Variants in EYS observed in about 807,000 individuals in gnomAD.
EYS encodes protein eyes shut homolog.
EYS carries 250 observed loss-of-function variants against 282.1 expected under a neutral mutation model. That is an observed-to-expected ratio of 0.89 (90% CI 0.80 to 0.98). EYS has a LOEUF of 0.98. Among genes scored for constraint, EYS ranks in the 50% least tolerant of loss-of-function variants. The pLI is 0.00. For synonymous variants in EYS, 1,355 were observed against 1,282.9 expected (o/e 1.06, Z -1.20); for missense variants, 4,016 against 3,709.0 (o/e 1.08, Z -2.15).
intron 1 of EYS, among the ~76,000 whole-genome samples, chr6:65,654,387 C>G (rs765885582): frequency 2.6e-5 from 4 of 151,772 alleles, no homozygotes; most frequent in Non-Finnish European, 4.4e-5. Context: ...AAACACAACT[C>G]TTGGGCGTGG....
chr6:64,351,001 T>C (rs1771611414), intron 29 of EYS, among the ~76,000 whole-genome samples: 1 of 151,430 alleles, frequency 6.6e-6, no homozygotes, highest in Non-Finnish European at 1.5e-5. Context: ...TGCTTCGCCT[T>C]CCAACATGAT....
intron 39 of EYS, among the ~76,000 whole-genome samples, chr6:63,783,252 G>A (rs749238214): frequency 1.8e-4 from 28 of 152,230 alleles, no homozygotes; most frequent in Non-Finnish European, 3.4e-4. Flanking sequence ...CTTATTTCCT[G>A]TTCATGTAAA....
At chr6:64,692,307 T>C (rs1201643046) in intron 22 of EYS, among the ~76,000 whole-genome samples, 1 of 152,204 alleles carries the variant, frequency 6.6e-6, no homozygotes, top group African/African-American at 2.4e-5. Context: ...TTTGGAGAAG[T>C]GTCTGTTCAT....
chr6:65,484,158 T>G (rs956987475), intron 5 of EYS, among the ~76,000 whole-genome samples: 7 of 152,010 alleles, frequency 4.6e-5, no homozygotes, highest in African/African-American at 1.7e-4. Context: ...AACCCTATTA[T>G]AGTTACCAAA....
intron 14 of EYS, among the ~76,000 whole-genome samples, chr6:64,954,734 G>A (rs7757716): frequency 0.47 from 71,131 of 151,868 alleles, 17,114 homozygotes; most frequent in African/African-American, 0.59. Context: ...AGAAAGCTTC[G>A]TCAATTTTTC....
At chr6:64,622,626 C>G (rs1412047871) in intron 23 of EYS, among the ~76,000 whole-genome samples, 1 of 152,010 alleles carries the variant, frequency 6.6e-6, no homozygotes, top group Non-Finnish European at 1.5e-5. Flanking sequence ...AGGATGACAA[C>G]CATGGAGTTG....
At chr6:64,380,873 G>A (rs961912626) in intron 29 of EYS, among the ~76,000 whole-genome samples, 1 of 152,038 alleles carries the variant, frequency 6.6e-6, no homozygotes, top group African/African-American at 2.4e-5. Context: ...AAAGCAGCCA[G>A]GAGTGGTGGT....
chr6:64,879,367 C>T (rs1053758612), intron 19 of EYS, among the ~76,000 whole-genome samples: 22 of 151,890 alleles, frequency 1.4e-4, no homozygotes, highest in Non-Finnish European at 2.5e-4. Context: ...AGACATTAAC[C>T]GATATTCAAG....
At chr6:64,363,370 C>A (rs2150409779) in intron 29 of EYS, among the ~76,000 whole-genome samples, 1 of 151,982 alleles carries the variant, frequency 6.6e-6, no homozygotes, top group Non-Finnish European at 1.5e-5. Flanking sequence ...GGTTAAATTG[C>A]ACACTGATGT....
chr6:65,608,253 C>A (rs1342807027), intron 2 of EYS, among the ~76,000 whole-genome samples: 3 of 152,072 alleles, frequency 2.0e-5, no homozygotes, highest in South Asian at 4.1e-4. Context: ...GTACAGAATA[C>A]TGGAGACAAC....
chr6:64,622,792 G>A (rs549699202), intron 23 of EYS, among the ~76,000 whole-genome samples: 133 of 152,204 alleles, frequency 8.7e-4, no homozygotes, highest in African/African-American at 3.1e-3. Flanking sequence ...AGCTGTGTAA[G>A]ATAAGATAAT....
intron 31 of EYS, among the ~76,000 whole-genome samples, chr6:64,094,032 G>A (rs963169620): frequency 6.6e-6 from 1 of 152,050 alleles, no homozygotes; most frequent in Admixed American, 6.5e-5. Flanking sequence ...TTTGTCTTTG[G>A]TTCTGTTTAT....
Position 63,762,616 on chromosome 6 carries a change from C to T in EYS, c.7916G>A (p.Gly2639Glu). The T allele has an allele frequency of 1.3e-6, 2 of 1,549,910 alleles. No homozygotes were observed. The highest frequency in any genetic ancestry group is 1.7e-6 in the Non-Finnish European group (2 of 1,145,916). ...GTSVYCNCTT[G>E]WKGSFCTETV... The stretch of plus-strand genomic sequence containing the variant: ...CTCTGTGCAGAATGATCCTTTCCAC[C>T]CAGTGGTACAATTGCAGCTGTGGGT... The change falls in exon 41 of 43, where the codon GGG (glycine) becomes GAG (glutamate). Residue 2639 changes from glycine to glutamate, a missense_variant. Coordinates refer to ENST00000503581, the MANE Select transcript of EYS (RefSeq NM_001142800.2).
intron 30 of EYS, among the ~76,000 whole-genome samples, chr6:64,288,223 GT>G (rs1275449051): frequency 6.6e-6 from 1 of 151,940 alleles, no homozygotes; most frequent in South Asian, 2.1e-4. Flanking sequence ...TCATTTTAAT[GT>G]TTTTTTCCTG....
At position 65,568,529 on chromosome 6, in the gene EYS, T is replaced by G. The variant is rs117197305; in HGVS notation, c.-333+71249A>C. ...TAGCTATTTAAACAATTAAATAAAC[T>G]TTTTAACACATGTTTATGTTTTACA... is the stretch of plus-strand genomic sequence containing the variant. On this transcript the variant is annotated intron_variant, in intron 2 of 42. Transcript: ENST00000503581. Among the ~76,000 whole-genome samples, 8 of 152,300 alleles carry G rather than the reference T, an allele frequency of 5.3e-5. No homozygotes were observed. In the East Asian group the frequency reaches 1.5e-3, roughly 29 times the overall value.
At chr6:65,661,042 T>A (rs917729412) in intron 1 of EYS, among the ~76,000 whole-genome samples, 1 of 151,896 alleles carries the variant, frequency 6.6e-6, no homozygotes, top group African/African-American at 2.4e-5. Context: ...ATTCTCAAAA[T>A]AACTCGGTCT....
chr6:65,000,033 G>A (rs1429706814), intron 13 of EYS, among the ~76,000 whole-genome samples: 2 of 152,152 alleles, frequency 1.3e-5, no homozygotes, highest in Non-Finnish European at 2.9e-5. Flanking sequence ...TAATTGAGCT[G>A]GTTAACACAA....
chr6:65,109,719 T>C (rs935130101), intron 12 of EYS, among the ~76,000 whole-genome samples: 6 of 152,048 alleles, frequency 3.9e-5, no homozygotes, highest in Non-Finnish European at 8.8e-5. Context: ...GCACTGCTTG[T>C]ACTGTCCTTA....
At chr6:64,922,072 G>A (rs549661493) in intron 15 of EYS, among the ~76,000 whole-genome samples, 30 of 152,304 alleles carry the variant, frequency 2.0e-4, no homozygotes, top group African/African-American at 6.5e-4. Context: ...GAATTTCAGA[G>A]ACATGCAACA....
Sources: allele counts gnomAD v4.1 joint callset (sites outside exome capture counted in the v4.1 genomes callset), GRCh38; gene constraint gnomAD v4.1.1; transcripts MANE v1.5; gene names NCBI Gene and HGNC (gene_info 2026-07-23, HGNC 2026-07-21).